Variants in DLGAP2 observed in about 807,000 individuals in gnomAD.
DLGAP2 encodes the protein DLG associated protein 2, also known as disks large-associated protein 2.
A neutral mutation model predicts 100.3 loss-of-function variants in DLGAP2; 26 were observed. The observed-to-expected ratio is 0.26, with a 90% CI of 0.19 to 0.36. DLGAP2 has a LOEUF of 0.36. DLGAP2 is among the 10% of genes least tolerant of loss of function. DLGAP2 has a pLI of 1.00. For synonymous variants in DLGAP2, 886 were observed against 630.1 expected (o/e 1.41, Z -6.08); for missense variants, 1,858 against 1,453.2 (o/e 1.28, Z -4.53).
intron 4 of DLGAP2, among the ~76,000 whole-genome samples, chr8:1,507,331 G>A (rs532670682): frequency 6.6e-6 from 1 of 152,222 alleles, no homozygotes; most frequent in Non-Finnish European, 1.5e-5. Context: ...GGGGAGATTT[G>A]GCGTGCAGCG....
At chr8:1,667,849 C>G (rs1393664225) in intron 8 of DLGAP2, among the ~76,000 whole-genome samples, 1 of 151,394 alleles carries the variant, frequency 6.6e-6, no homozygotes, top group African/African-American at 2.4e-5. Context: ...CACACCTTGC[C>G]TAGCTGTGTC....
chr8:1,639,374 G>T (rs1159116098), intron 8 of DLGAP2, among the ~76,000 whole-genome samples: 1 of 152,170 alleles, frequency 6.6e-6, no homozygotes, highest in Non-Finnish European at 1.5e-5. Context: ...GGCTGTCCCT[G>T]GGTCTTGGCA....
chr8:1,365,818 G>A (rs910550858), intron 3 of DLGAP2, among the ~76,000 whole-genome samples: 1 of 152,208 alleles, frequency 6.6e-6, no homozygotes, highest in African/African-American at 2.4e-5. Flanking sequence ...GTCTCATGTC[G>A]GGGCCCTGGG....
intron 2 of DLGAP2, among the ~76,000 whole-genome samples, chr8:1,225,957 A>G (rs966086463): frequency 6.6e-6 from 1 of 152,044 alleles, no homozygotes; most frequent in Non-Finnish European, 1.5e-5. Context: ...TTTCCTTTTC[A>G]TTTTTAATAT....
chr8:1,096,244 C>G (rs111585442), intron 2 of DLGAP2, among the ~76,000 whole-genome samples: 2 of 152,226 alleles, frequency 1.3e-5, no homozygotes, highest in African/African-American at 4.8e-5. Flanking sequence ...TAAGAAGCAC[C>G]TGGGCCACTT....
rs138226269 is a variant in DLGAP2, at chr8:858,758, C to T, written c.19-49154C>T. ...ACATGTATGATGCTGTCACCGTGGGCACATGTGTGATGCTGTCACCGTGGG... is the reference window on the plus strand; with the variant it reads ...ACATGTATGATGCTGTCACCGTGGGTACATGTGTGATGCTGTCACCGTGGG... On this transcript the variant is annotated intron_variant, in intron 1 of 14. Transcript: ENST00000637795. Among the ~76,000 whole-genome samples, 743 of 151,600 alleles carry T rather than the reference C, an allele frequency of 4.9e-3. 4 individuals carry two copies. The highest frequency in any genetic ancestry group is 7.0e-3 in the Non-Finnish European group (478 of 67,904).
intron 2 of DLGAP2, among the ~76,000 whole-genome samples, chr8:1,000,074 G>A (rs1800902654): frequency 6.8e-6 from 1 of 146,520 alleles, no homozygotes; most frequent in South Asian, 2.3e-4. Flanking sequence ...AGAGAGATCC[G>A]GGTGGAGGTG....
chr8:1,146,575 G>A (rs1796610618), intron 2 of DLGAP2, among the ~76,000 whole-genome samples: 1 of 128,178 alleles, frequency 7.8e-6, no homozygotes. Flanking sequence ...ACATGTGTGT[G>A]TATGCACATG....
At position 1,273,183 on chromosome 8, in the gene DLGAP2, G is replaced by A. The variant is rs1039229717; in HGVS notation, c.106+14300G>A. The stretch of plus-strand genomic sequence containing the variant: ...GGTGTTTGTCTGAGTGGACCTGGCC[G>A]GGTTAGTCTACAGGGGGGCCCTCCC... On this transcript the variant is annotated intron_variant, in intron 3 of 14. Transcript: ENST00000637795. Among the ~76,000 whole-genome samples the A allele has an allele frequency of 5.9e-5, 9 of 152,292 alleles. No homozygotes were observed. The South Asian group carries it at 1.0e-3, about 18-fold the overall frequency.
intron 2 of DLGAP2, among the ~76,000 whole-genome samples, chr8:1,176,422 C>A (rs1797257721): frequency 6.6e-6 from 1 of 152,204 alleles, no homozygotes; most frequent in East Asian, 1.9e-4. Flanking sequence ...GTTAGATCTA[C>A]ACTTTGGGTG....
rs567194720 is a variant in DLGAP2 at position 1,148,826 on chromosome 8, CT to C, written c.74-110018del. On this transcript the variant is annotated intron_variant, in intron 2 of 14. Coordinates refer to ENST00000637795, the MANE Select transcript of DLGAP2 (RefSeq NM_001346810.2). ...TTCAATTACTTGAGCTTTTCTGGGT[CT>C]TTTTTTAGGTTCCTGCATATGGCCA... 4.7e-3 allele frequency among the ~76,000 whole-genome samples: 721 copies of C among 152,112 alleles called. 6 individuals are homozygous for C. The highest frequency in any genetic ancestry group is 8.2e-3 in the Non-Finnish European group (558 of 67,976).
chr8:1,518,983 C>G (rs1331460624), intron 4 of DLGAP2, among the ~76,000 whole-genome samples: 1 of 152,116 alleles, frequency 6.6e-6, no homozygotes, highest in Non-Finnish European at 1.5e-5. Context: ...CAGGCCCTCC[C>G]GACCGTGTGT....
intron 3 of DLGAP2, among the ~76,000 whole-genome samples, chr8:1,408,649 A>T (rs913510423): frequency 3.3e-5 from 5 of 152,150 alleles, no homozygotes; most frequent in Admixed American, 2.6e-4. Flanking sequence ...TAACTTTGAA[A>T]ATGTATCTTG....
chr8:1,665,892 A>T (rs1798531954), intron 8 of DLGAP2, among the ~76,000 whole-genome samples: 1 of 152,218 alleles, frequency 6.6e-6, no homozygotes, highest in African/African-American at 2.4e-5. Context: ...TTTATCGATG[A>T]GCCCTCCTCA....
In DLGAP2 at chr8:1,316,028, CGAGACACTT is replaced by C. The variant is rs1800734895; in HGVS notation, c.106+57147_106+57155del. ...CGTCTCTCCAACAGTGGTCTACACTCGAGACACTTGGCAGCTTTTAAAAATAGAGCGTGT... is the reference window on the plus strand; with the variant it reads ...CGTCTCTCCAACAGTGGTCTACACTCGGCAGCTTTTAAAAATAGAGCGTGT... On this transcript the variant is annotated intron_variant, in intron 3 of 14. Transcript: ENST00000637795. 1.4e-5 allele frequency among the ~76,000 whole-genome samples: 2 copies of C among 138,572 alleles called. 1 individual carries two copies. Among genetic ancestry groups the C allele is most frequent in the Non-Finnish European group, 3.2e-5 (2 of 63,050 alleles). 90.9% of individuals were successfully genotyped at this position (138,572 alleles called of 152,430 possible). A position where few individuals can be genotyped will look rare whatever the true frequency, so the allele number is the denominator to read the frequency against.
chr8:1,177,774 C>G (rs779078232), intron 2 of DLGAP2, among the ~76,000 whole-genome samples: 1 of 152,154 alleles, frequency 6.6e-6, no homozygotes, highest in Non-Finnish European at 1.5e-5. Flanking sequence ...GTAGACCACA[C>G]CTGCTGTGCC....
intron 2 of DLGAP2, among the ~76,000 whole-genome samples, chr8:1,232,640 T>G (rs1382520668): frequency 3.3e-5 from 5 of 152,270 alleles, no homozygotes; most frequent in African/African-American, 1.2e-4. Flanking sequence ...GATGCTTTCA[T>G]GTAGGCATTT....
At chr8:1,413,047 G>C (rs1481716075) in intron 3 of DLGAP2, among the ~76,000 whole-genome samples, 1 of 152,122 alleles carries the variant, frequency 6.6e-6, no homozygotes, top group Admixed American at 6.5e-5. Context: ...CCTCTGTGAA[G>C]AGGGCTTCCT....
intron 3 of DLGAP2, among the ~76,000 whole-genome samples, chr8:1,314,244 T>A: frequency 6.6e-6 from 1 of 152,214 alleles, no homozygotes; most frequent in East Asian, 1.9e-4. Context: ...GAGTTACTGT[T>A]GAGTTAGACA....
Sources: allele counts gnomAD v4.1 joint callset (sites outside exome capture counted in the v4.1 genomes callset), GRCh38; gene constraint gnomAD v4.1.1; transcripts MANE v1.5; gene names NCBI Gene and HGNC (gene_info 2026-07-23, HGNC 2026-07-21).